LRRC3B: variants seen among roughly 807,000 people sequenced by gnomAD.
LRRC3B encodes the protein leucine-rich repeat-containing protein 3B.
LRRC3B carries 2 observed loss-of-function variants against 12.8 expected under a neutral mutation model. That is an observed-to-expected ratio of 0.16 (90% CI 0.06 to 0.49). The LOEUF (loss-of-function observed/expected upper bound fraction) is 0.49. LRRC3B is among the 20% of genes least tolerant of loss of function. The pLI is 0.96. For missense variants in LRRC3B, 189 were observed against 319.4 expected (o/e 0.59, Z 3.11); for synonymous variants, 132 against 122.0 (o/e 1.08, Z -0.54).
At chr3:26,661,169 T>C (rs1699484470) in intron 1 of LRRC3B, among the ~76,000 whole-genome samples, 1 of 152,164 alleles carries the variant, frequency 6.6e-6, no homozygotes, top group African/African-American at 2.4e-5. Flanking sequence ...TATTGGCTTC[T>C]GTTTAGGGGA....
At chr3:26,686,014 C>T (rs577992112) in intron 1 of LRRC3B, among the ~76,000 whole-genome samples, 4 of 152,208 alleles carry the variant, frequency 2.6e-5, no homozygotes, top group South Asian at 4.2e-4. Flanking sequence ...TTAATAGACT[C>T]GGCCGTGGTA....
At chr3:26,673,524 G>A (rs187460493) in intron 1 of LRRC3B, among the ~76,000 whole-genome samples, 25 of 152,298 alleles carry the variant, frequency 1.6e-4, no homozygotes, top group African/African-American at 6.0e-4. Flanking sequence ...AATAAGGTAT[G>A]GTGGACACAA....
At chr3:26,629,932 G>T (rs1464503781) in intron 1 of LRRC3B, among the ~76,000 whole-genome samples, 2 of 145,900 alleles carry the variant, frequency 1.4e-5, no homozygotes, top group South Asian at 2.1e-4. Flanking sequence ...AGGTGGGAAA[G>T]GTGGGGGCAG....
At chr3:26,628,340 C>T (rs556971414) in intron 1 of LRRC3B, among the ~76,000 whole-genome samples, 125 of 147,654 alleles carry the variant, frequency 8.5e-4, no homozygotes, top group South Asian at 1.7e-3. Flanking sequence ...AATCAAGATT[C>T]GGAATATCTG....
At chr3:26,636,243 AAG>A (rs1553601289) in intron 1 of LRRC3B, among the ~76,000 whole-genome samples, 3 of 152,198 alleles carry the variant, frequency 2.0e-5, no homozygotes, top group Non-Finnish European at 2.9e-5. Context: ...CTTTAAAAAA[AAG>A]AGAGAGAATT....
At chr3:26,695,145 T>C (rs936116749) in intron 1 of LRRC3B, among the ~76,000 whole-genome samples, 1 of 152,198 alleles carries the variant, frequency 6.6e-6, no homozygotes, top group Non-Finnish European at 1.5e-5. Context: ...TTTATCAGAA[T>C]TTGCAGATTG....
At chr3:26,649,272 C>T (rs1699216078) in intron 1 of LRRC3B, among the ~76,000 whole-genome samples, 1 of 152,100 alleles carries the variant, frequency 6.6e-6, no homozygotes, top group Admixed American at 6.5e-5. Context: ...CGTTTGTTTG[C>T]TTGTTTTCGA....
chr3:26,652,877 C>T (rs1699293664), intron 1 of LRRC3B, among the ~76,000 whole-genome samples: 1 of 152,094 alleles, frequency 6.6e-6, no homozygotes, highest in Admixed American at 6.5e-5. Context: ...TTTCATTCTG[C>T]ATTCTTCCCT....
intron 1 of LRRC3B, among the ~76,000 whole-genome samples, chr3:26,682,553 TATTTA>T (rs1699992700): frequency 1.3e-5 from 2 of 152,224 alleles, no homozygotes; most frequent in African/African-American, 4.8e-5. Flanking sequence ...TGGGAAGATC[TATTTA>T]TTTTCCCCCA....
intron 1 of LRRC3B, among the ~76,000 whole-genome samples, chr3:26,662,141 G>C (rs1699503741): frequency 6.6e-6 from 1 of 152,018 alleles, no homozygotes; most frequent in Non-Finnish European, 1.5e-5. Context: ...TACTCCTCTT[G>C]AGTTTGATAA....
chr3:26,637,181 G>A (rs899135987), intron 1 of LRRC3B, among the ~76,000 whole-genome samples: 3 of 151,638 alleles, frequency 2.0e-5, no homozygotes, highest in South Asian at 4.2e-4. Flanking sequence ...GTAGAGACAG[G>A]GTTTCACTGT....
intron 1 of LRRC3B, among the ~76,000 whole-genome samples, chr3:26,698,589 C>T (rs967838316): frequency 1.3e-5 from 2 of 152,016 alleles, no homozygotes. Context: ...TCTCCCCTAC[C>T]CCAAATTTTT....
chr3:26,709,449 C>T, intron 1 of LRRC3B, 64 bp from the exon 2 acceptor site: 1 of 569,070 alleles, frequency 1.8e-6, no homozygotes, highest in Non-Finnish European at 3.1e-6. Flanking sequence ...CCTGAGAACA[C>T]CTTTCATTAC....
intron 1 of LRRC3B, among the ~76,000 whole-genome samples, chr3:26,666,907 T>C (rs1699616264): frequency 6.6e-6 from 1 of 152,180 alleles, no homozygotes; most frequent in Admixed American, 6.5e-5. Flanking sequence ...TTGTTGGTTC[T>C]AATAGAAATG....
chr3:26,680,424 G>T lies in LRRC3B; in HGVS notation c.-160-29089G>T, dbSNP rs1699947665. On this transcript the variant is annotated intron_variant, in intron 1 of 1. Coordinates refer to ENST00000396641, the Ensembl canonical transcript of LRRC3B. The stretch of plus-strand genomic sequence containing the variant: ...ATAAAGTAAAAGAACGTTCTTACAG[G>T]ATTTCTCCTATTTGAGGTCTAATGC... 3.3e-5 allele frequency among the ~76,000 whole-genome samples: 5 copies of T among 152,282 alleles called. No individual in the cohort carries two copies. In the South Asian group the frequency reaches 1.0e-3, roughly 32 times the overall value.
chr3:26,666,944 G>T (rs946496740), intron 1 of LRRC3B, among the ~76,000 whole-genome samples: 6 of 152,096 alleles, frequency 3.9e-5, no homozygotes, highest in African/African-American at 1.4e-4. Flanking sequence ...TTCATCAAAT[G>T]TAGGGATTTT....
chr3:26,651,715 G>T (rs1699268799), intron 1 of LRRC3B, among the ~76,000 whole-genome samples: 1 of 152,156 alleles, frequency 6.6e-6, no homozygotes, highest in Non-Finnish European at 1.5e-5. Flanking sequence ...CTTTCAATAG[G>T]TTACAGAAGT....
chr3:26,688,131 A>G (rs1700122306), intron 1 of LRRC3B, among the ~76,000 whole-genome samples: 1 of 152,248 alleles, frequency 6.6e-6, no homozygotes, highest in African/African-American at 2.4e-5. Context: ...ACGAACCTAT[A>G]AAGATATATC....
intron 1 of LRRC3B, among the ~76,000 whole-genome samples, chr3:26,695,444 G>A (rs1407532681): frequency 6.6e-6 from 1 of 152,110 alleles, no homozygotes; most frequent in East Asian, 1.9e-4. Flanking sequence ...GGAGAATGGC[G>A]TGAAACCGGG....
Sources: allele counts gnomAD v4.1 joint callset (sites outside exome capture counted in the v4.1 genomes callset), GRCh38; gene constraint gnomAD v4.1.1; transcripts MANE v1.5; gene names NCBI Gene and HGNC (gene_info 2026-07-23, HGNC 2026-07-21).